KIF5C: variants seen among roughly 807,000 people sequenced by gnomAD.
The protein encoded by KIF5C is kinesin heavy chain isoform 5C.
A neutral mutation model predicts 125.2 loss-of-function variants in KIF5C; 18 were observed. The ratio of observed to expected loss-of-function variants is 0.14; its 90% CI spans 0.10 to 0.21. The LOEUF (loss-of-function observed/expected upper bound fraction) is 0.21. Among genes scored for constraint, KIF5C ranks in the 10% least tolerant of loss-of-function variants. The probability of loss-of-function intolerance (pLI) is 1.00; values close to 1 mark genes in which losing one functional copy is unlikely to be tolerated. For missense variants in KIF5C, 780 were observed against 1,183.8 expected (o/e 0.66, Z 5.01); for synonymous variants, 405 against 434.0 (o/e 0.93, Z 0.83).
At chr2:149,000,625 G>A in intron 20 of KIF5C, 97 bp from the exon 21 acceptor site, 3 of 1,587,798 alleles carry the variant, frequency 1.9e-6, no homozygotes, top group East Asian at 4.5e-5. Context: ...TTGTGTGCTT[G>A]TTGGTGGGTT....
intron 25 of KIF5C, among the ~76,000 whole-genome samples, chr2:149,022,257 T>C (rs1024151175): frequency 6.6e-6 from 1 of 152,190 alleles, no homozygotes; most frequent in African/African-American, 2.4e-5. Context: ...TATGTTACTC[T>C]GAATATCCAT....
At chr2:148,904,101 A>G (rs10170255) in intron 1 of KIF5C, among the ~76,000 whole-genome samples, 151,739 of 152,350 alleles carry the variant, frequency 1, 75,567 homozygotes, top group Middle Eastern at 1. Context: ...GCTTGTCAAG[A>G]GCAAGAGATT....
intron 1 of KIF5C, among the ~76,000 whole-genome samples, chr2:148,890,550 A>C (rs1251615383): frequency 6.6e-6 from 1 of 152,204 alleles, no homozygotes; most frequent in Admixed American, 6.5e-5. Flanking sequence ...ACAAGGAAGC[A>C]TGTGAGCCAC....
Position 149,000,490 on chromosome 2 carries a change from G to T in KIF5C, c.2278G>T (p.Asp760Tyr). ...TGATTATAACAAGCTGAAAATAGAG[G>T]ACCAAGAGAGAGAAATGAAGCTGGA... is the stretch of plus-strand genomic sequence containing the variant. Reference protein sequence around the residue: ...SSDYNKLKIEDQEREMKLEKL... With the variant: ...SSDYNKLKIEYQEREMKLEKL... Residue 760 changes from aspartate to tyrosine, a missense_variant, in exon 20 of 26, where the codon GAC (aspartate) becomes TAC (tyrosine). Coordinates refer to ENST00000435030, the MANE Select transcript of KIF5C (RefSeq NM_004522.3). 1 of 1,573,824 alleles carries T rather than the reference G, an allele frequency of 6.4e-7. No homozygotes were observed. The highest frequency in any genetic ancestry group is 1.8e-5 in the Admixed American group (1 of 56,922).
rs570845367 is a variant in KIF5C, at chr2:148,941,648, C to T, written c.435C>T (p.Asp145=). ...AGATCTACTTGGACAAAATAAGGGA[C>T]TTACTTGATGGTAAGTAACCTCAGT... is the stretch of plus-strand genomic sequence containing the variant. The part of the protein sequence containing the change: ...YFEIYLDKIR[D]LLDVSKTNLA... Residue 145 remains aspartate (D), a synonymous_variant, in exon 5 of 26, where the codon GAC becomes GAT. Coordinates refer to ENST00000435030, the MANE Select transcript of KIF5C (RefSeq NM_004522.3). 5 of 1,560,278 alleles carry T rather than the reference C, an allele frequency of 3.2e-6. No homozygotes were observed. In the South Asian group the frequency reaches 3.5e-5, roughly 11 times the overall value.
chr2:148,978,022 G>A (rs1180539985), intron 12 of KIF5C, among the ~76,000 whole-genome samples: 1 of 152,154 alleles, frequency 6.6e-6, no homozygotes, highest in Non-Finnish European at 1.5e-5. Flanking sequence ...GACTCTGTTT[G>A]GTGTTTAGAC....
chr2:148,993,758 C>T (rs1681589097), intron 16 of KIF5C, among the ~76,000 whole-genome samples: 1 of 152,224 alleles, frequency 6.6e-6, no homozygotes. Context: ...AACAAGCTCT[C>T]ATTCATCCAT....
intron 6 of KIF5C, 123 bp from the exon 7 acceptor site, chr2:148,942,550 C>T (rs1450222528): frequency 6.8e-6 from 10 of 1,465,106 alleles, no homozygotes; most frequent in African/African-American, 2.8e-5. Flanking sequence ...GTTGTTGGAT[C>T]GATATTTCAG....
At chr2:148,997,717 G>C (rs1369327508) in intron 18 of KIF5C, 1 of 210,348 alleles carries the variant, frequency 4.8e-6, no homozygotes. Flanking sequence ...CAAACATAGA[G>C]ATTTTTCTTT....
At chr2:149,016,602 CGG>C (rs1418691203) in intron 25 of KIF5C, among the ~76,000 whole-genome samples, 1 of 152,132 alleles carries the variant, frequency 6.6e-6, no homozygotes, top group East Asian at 1.9e-4. Context: ...CAGGGAAAAT[CGG>C]GGGATGAGCA....
chr2:148,996,609 C>T lies in KIF5C; in HGVS notation c.2024-655C>T, dbSNP rs534780590. 2.6e-5 allele frequency among the ~76,000 whole-genome samples: 4 copies of T among 152,336 alleles called. No individual in the cohort carries two copies. In the South Asian group the frequency reaches 8.3e-4, roughly 32 times the overall value. ...GCTCCCCAGCTGGGGCTGCCCATTG[C>T]ACCTGGCTGGCATTTAGGGAGCACC... On this transcript the variant is annotated intron_variant, in intron 17 of 25. Transcript: ENST00000435030.
chr2:148,932,090 G>A (rs1256917574), intron 3 of KIF5C, among the ~76,000 whole-genome samples: 1 of 152,146 alleles, frequency 6.6e-6, no homozygotes, highest in Admixed American at 6.5e-5. Context: ...GGAGCCCTAA[G>A]CTGAAGTCAT....
At chr2:148,996,594 T>C (rs1681680158) in intron 17 of KIF5C, among the ~76,000 whole-genome samples, 1 of 152,226 alleles carries the variant, frequency 6.6e-6, no homozygotes, top group African/African-American at 2.4e-5. Flanking sequence ...GCTCCCCAGC[T>C]GGGGCTGCCC....
chr2:149,022,284 G>A (rs752556430), intron 25 of KIF5C, among the ~76,000 whole-genome samples: 1 of 152,104 alleles, frequency 6.6e-6, no homozygotes. Context: ...AACAGATACC[G>A]ACTTATGGAA....
In KIF5C at chr2:149,007,957, A is replaced by G; in HGVS notation, c.2446-6A>G. 2 of 1,595,646 alleles carry G rather than the reference A, an allele frequency of 1.3e-6. No homozygotes were observed. Among genetic ancestry groups the G allele is most frequent in the Non-Finnish European group, 1.7e-6 (2 of 1,167,272 alleles). On this transcript the variant is annotated splice_region_variant and splice_polypyrimidine_tract_variant and intron_variant, in intron 22 of 25. Transcript: ENST00000435030. The stretch of plus-strand genomic sequence containing the variant: ...CTGTCCTGCTGACCCCTTGGTGTCA[A>G]TGCAGAGTGTGGAGTTGGACAACGA...
chr2:149,018,118 G>C (rs1374509977), intron 25 of KIF5C, among the ~76,000 whole-genome samples: 1 of 152,018 alleles, frequency 6.6e-6, no homozygotes, highest in East Asian at 1.9e-4. Flanking sequence ...GCAAGACCTT[G>C]TCTTTACTAA....
At chr2:148,930,419 G>A (rs546343301) in intron 3 of KIF5C, among the ~76,000 whole-genome samples, 1 of 152,180 alleles carries the variant, frequency 6.6e-6, no homozygotes, top group East Asian at 1.9e-4. Flanking sequence ...TAGGTAAGGA[G>A]AGGTGGTAAG....
At chr2:148,989,118 C>T (rs530703023) in intron 15 of KIF5C, among the ~76,000 whole-genome samples, 1 of 152,260 alleles carries the variant, frequency 6.6e-6, no homozygotes, top group South Asian at 2.1e-4. Context: ...CACCCCACTT[C>T]CCACCCTTTC....
At chr2:148,914,201 T>A (rs995336571) in intron 1 of KIF5C, among the ~76,000 whole-genome samples, 2 of 152,192 alleles carry the variant, frequency 1.3e-5, no homozygotes, top group African/African-American at 4.8e-5. Context: ...GTTGCCTGAC[T>A]TTTCCTCCTA....
Sources: allele counts gnomAD v4.1 joint callset (sites outside exome capture counted in the v4.1 genomes callset), GRCh38; gene constraint gnomAD v4.1.1; transcripts MANE v1.5; gene names NCBI Gene and HGNC (gene_info 2026-07-23, HGNC 2026-07-21).